The following NXPE2 variants were observed in gnomAD, a reference collection of about 807,000 sequenced individuals.
NXPE2 encodes the protein neurexophilin and PC-esterase domain family member 2, also known as NXPE family member 2.
NXPE2 carries 34 observed loss-of-function variants against 34.4 expected under a neutral mutation model. That is an observed-to-expected ratio of 0.99 (90% confidence interval 0.75 to 1.31). NXPE2 has a LOEUF of 1.31. Ranked by LOEUF, NXPE2 falls within the 40% of genes most tolerant of loss-of-function variation. The pLI, the probability that NXPE2 is intolerant of heterozygous loss-of-function variation, is 0.00. For synonymous variants in NXPE2, 235 were observed against 231.3 expected, an observed-to-expected ratio of 1.02 and a Z score of -0.15; for missense variants, 649 against 672.5, an observed-to-expected ratio of 0.97 and a Z score of 0.39.
At chr11:114,769,317 G>A in the NXPE2 span, among the ~76,000 whole-genome samples, 1 of 152,202 alleles carries the variant, frequency 6.6e-6, no homozygotes, top group Non-Finnish European at 1.5e-5. Flanking sequence ...AACAACAGAT[G>A]CTGGAGAGGA....
the NXPE2 span, among the ~76,000 whole-genome samples, chr11:114,800,924 CTTTATAATCTA>C: frequency 6.6e-6 from 1 of 152,166 alleles, no homozygotes; most frequent in African/African-American, 2.4e-5. Context: ...TTCAACACAA[CTTTATAATCTA>C]TTAAGTTCTA....
chr11:114,781,726 T>C, the NXPE2 span, among the ~76,000 whole-genome samples: 1 of 152,152 alleles, frequency 6.6e-6, no homozygotes, highest in Non-Finnish European at 1.5e-5. Context: ...GGGTGGTCTA[T>C]AAATAATGGT....
the NXPE2 span, among the ~76,000 whole-genome samples, chr11:114,759,349 T>A: frequency 6.6e-6 from 1 of 152,218 alleles, no homozygotes. Flanking sequence ...GTTTCATGTC[T>A]CTGTACCTCA....
chr11:114,798,739 T>C, the NXPE2 span, among the ~76,000 whole-genome samples: 4 of 152,232 alleles, frequency 2.6e-5, no homozygotes, highest in East Asian at 5.8e-4. Flanking sequence ...CCATATCTCT[T>C]TCATGGCTCT....
chr11:114,483,709 C>G, the NXPE2 span, among the ~76,000 whole-genome samples: 2 of 152,304 alleles, frequency 1.3e-5, no homozygotes, highest in East Asian at 3.9e-4. Context: ...AAGCGGGTAT[C>G]TTTCAGATGA....
the NXPE2 span, among the ~76,000 whole-genome samples, chr11:114,577,096 TA>T: frequency 7.2e-6 from 1 of 139,498 alleles, no homozygotes; most frequent in African/African-American, 2.7e-5. Flanking sequence ...CATATATATA[TA>T]AAGTTATATA....
chr11:114,780,211 G>A, the NXPE2 span, among the ~76,000 whole-genome samples: 465 of 152,292 alleles, frequency 3.1e-3, 1 homozygote, highest in African/African-American at 0.011. Context: ...GTCTCTTCAG[G>A]AGGCACATGA....
At chr11:114,613,599 T>C in the NXPE2 span, among the ~76,000 whole-genome samples, 4 of 151,928 alleles carry the variant, frequency 2.6e-5, no homozygotes, top group Admixed American at 6.6e-5. Context: ...GGATAATAAG[T>C]ATTGCCTCAT....
Position 114,706,858 on chromosome 11 carries a change from C to T in NXPE2, c.1608C>T (p.Cys536=), listed in dbSNP as rs915418447. The stretch of plus-strand genomic sequence containing the variant: ...CCTGGGACATGACGATTGCATATTG[C>T]ACCAACAATGCCCATCCACCGGATT... ...IDAWDMTIAY[C]TNNAHPPDYV... Residue 536 remains cysteine, a synonymous_variant, in exon 6 of 6, where the codon TGC becomes TGT. Coordinates refer to ENST00000389586, the MANE Select transcript of NXPE2 (RefSeq NM_182495.6). 15 of 1,551,824 alleles carry T rather than the reference C, an allele frequency of 9.7e-6. No individual in the cohort carries two copies. The African/African-American group carries it at 1.6e-4, about 17-fold the overall frequency.
chr11:114,532,447 T>C, the NXPE2 span, among the ~76,000 whole-genome samples: 1 of 152,074 alleles, frequency 6.6e-6, no homozygotes, highest in Admixed American at 6.6e-5. Flanking sequence ...AAAATAATCA[T>C]GTAATATATA....
At chr11:114,469,046 A>G in the NXPE2 span, among the ~76,000 whole-genome samples, 1 of 152,042 alleles carries the variant, frequency 6.6e-6, no homozygotes, top group East Asian at 1.9e-4. Context: ...TAAATAGTAT[A>G]ACCCTGAAAT....
chr11:114,747,710 A>G, the NXPE2 span, among the ~76,000 whole-genome samples: 21 of 152,226 alleles, frequency 1.4e-4, no homozygotes, highest in Middle Eastern at 3.4e-3. Context: ...CGGAGAAACC[A>G]ATCACCTGCC....
chr11:114,698,930 T>C (rs77094917), intron 3 of NXPE2, among the ~76,000 whole-genome samples, 152 bp downstream of exon 3: 1,662 of 152,300 alleles, frequency 0.011, 28 homozygotes, highest in African/African-American at 0.038. Flanking sequence ...TGGAGTGTGT[T>C]CACAGGGATC....
At chr11:114,770,591 T>G in the NXPE2 span, among the ~76,000 whole-genome samples, 45 of 152,234 alleles carry the variant, frequency 3.0e-4, no homozygotes, top group African/African-American at 1.1e-3. Context: ...TATCACCAAA[T>G]GCAGGGCTTT....
the NXPE2 span, among the ~76,000 whole-genome samples, chr11:114,797,986 TTAAACTGAGAAA>T: frequency 6.6e-6 from 1 of 152,140 alleles, no homozygotes; most frequent in South Asian, 2.1e-4. Context: ...GAAACCATGG[TTAAACTGAGAAA>T]CAATCTAAAC....
At chr11:114,685,086 A>G (rs370291329) in intron 2 of NXPE2, among the ~76,000 whole-genome samples, 3 of 152,340 alleles carry the variant, frequency 2.0e-5, no homozygotes, top group East Asian at 1.9e-4. Context: ...ATAGTTGGTC[A>G]GATATATCAT....
chr11:114,779,643 G>C, the NXPE2 span, among the ~76,000 whole-genome samples: 1 of 152,122 alleles, frequency 6.6e-6, no homozygotes, highest in Non-Finnish European at 1.5e-5. Flanking sequence ...GAGATGCCCA[G>C]AGATGGGACA....
At chr11:114,806,724 C>A in the NXPE2 span, among the ~76,000 whole-genome samples, 3 of 151,834 alleles carry the variant, frequency 2.0e-5, no homozygotes, top group Non-Finnish European at 4.4e-5. Flanking sequence ...ATTGGTGTAC[C>A]TGAAAGTGAT....
the NXPE2 span, among the ~76,000 whole-genome samples, chr11:114,733,176 A>G: frequency 6.6e-6 from 1 of 152,110 alleles, no homozygotes; most frequent in Non-Finnish European, 1.5e-5. Flanking sequence ...GGCTTACTGC[A>G]AGCTCCGCCT....
Sources: gnomAD v4.1 joint callset for allele counts (sites outside exome capture counted in the v4.1 genomes callset) on GRCh38, gnomAD v4.1.1 for gene constraint, MANE v1.5 for transcripts, NCBI Gene and HGNC (gene_info 2026-07-23, HGNC 2026-07-21) for gene names.